TLL1: variants seen among roughly 807,000 people sequenced by gnomAD.
The protein encoded by TLL1 is tolloid-like protein 1.
Under a neutral mutation model 128.2 loss-of-function variants are expected in TLL1, and 49 were observed. The ratio of observed to expected loss-of-function variants is 0.38; its 90% confidence interval spans 0.30 to 0.48. TLL1 has a LOEUF of 0.48. Among genes scored for constraint, TLL1 ranks in the 20% least tolerant of loss-of-function variants. The probability of loss-of-function intolerance (pLI) is 0.96; values close to 1 mark genes in which losing one functional copy is unlikely to be tolerated. For synonymous variants in TLL1, 454 were observed against 418.8 expected (o/e 1.08, Z -1.03); for missense variants, 1,123 against 1,242.0 (o/e 0.90, Z 1.44).
intron 20 of TLL1, 100 bp downstream of exon 20, chr4:166,099,627 A>C (rs1742199828): frequency 1.1e-5 from 2 of 180,680 alleles, no homozygotes; most frequent in African/African-American, 4.8e-5. Flanking sequence ...TGCTTTTTGC[A>C]AAAAAAAAAA....
In TLL1 at chr4:166,103,615, ATCATG is replaced by A. The variant is rs1212141869; in HGVS notation, c.*2743_*2747del. On this transcript the variant is annotated 3_prime_UTR_variant, in exon 21 of 21. Transcript: ENST00000061240. ...CAACGTGAAAATTAATTTTTATTGTATCATGTCAAGTATCAGTTTACCACATATTA... is the reference window on the plus strand; with the variant it reads ...CAACGTGAAAATTAATTTTTATTGTATCAAGTATCAGTTTACCACATATTA... The A allele has an allele frequency of 2.6e-5, 4 of 151,854 alleles. No homozygotes were observed. The highest frequency in any genetic ancestry group is 5.9e-5 in the Non-Finnish European group (4 of 67,858). The allele number at this position is 151,854 out of a possible 1,614,324, so 9.4% of individuals were successfully genotyped here. A position where few individuals can be genotyped will look rare whatever the true frequency, so the allele number is the denominator to read the frequency against.
chr4:166,044,509 G>A, intron 12 of TLL1: 7 of 1,219,250 alleles, frequency 5.7e-6, no homozygotes, highest in Non-Finnish European at 1.1e-6. Flanking sequence ...ATTTCCTTTT[G>A]TTACCAAAAA....
rs1739313932 is a variant in TLL1 at position 166,043,161 on chromosome 4, G to C, written c.1379-113G>C. 5.0e-6 allele frequency: 7 copies of C among 1,410,234 alleles called. No individual in the cohort carries two copies. In the South Asian group the frequency reaches 8.1e-5, roughly 16 times the overall value. The allele number at this position is 1,410,234 out of a possible 1,614,324, so 87.4% of individuals were successfully genotyped here. A position where few individuals can be genotyped will look rare whatever the true frequency, so the allele number is the denominator to read the frequency against. ...CAGTCAACTTTGATTTTTATAGCCT[G>C]GTCTTTATGTACTGAGCTACAGGAG... is the stretch of plus-strand genomic sequence containing the variant. On this transcript the variant is annotated intron_variant, in intron 11 of 20. Coordinates refer to ENST00000061240, the MANE Select transcript of TLL1 (RefSeq NM_012464.5).
At chr4:165,978,227 G>A (rs1196986881) in intron 1 of TLL1, among the ~76,000 whole-genome samples, 2 of 151,858 alleles carry the variant, frequency 1.3e-5, no homozygotes, top group African/African-American at 2.4e-5. Flanking sequence ...AGTTTTTTGG[G>A]TGCCAGTGGT....
chr4:165,880,426 A>G (rs1416996695), intron 1 of TLL1, among the ~76,000 whole-genome samples: 1 of 152,238 alleles, frequency 6.6e-6, no homozygotes, highest in African/African-American at 2.4e-5. Flanking sequence ...AGTTTAAGCT[A>G]AAACAAATGC....
chr4:166,076,504 A>G (rs1382368525), intron 17 of TLL1, among the ~76,000 whole-genome samples: 1 of 152,234 alleles, frequency 6.6e-6, no homozygotes, highest in African/African-American at 2.4e-5. Context: ...TAAATGATAT[A>G]GGAAACTTCA....
chr4:166,097,019 A>T (rs1365880182), intron 19 of TLL1, among the ~76,000 whole-genome samples: 2 of 152,114 alleles, frequency 1.3e-5, no homozygotes, highest in Non-Finnish European at 2.9e-5. Context: ...TTAAATTTAT[A>T]TGGGTTTTAC....
At chr4:166,021,005 G>T (rs1318745509) in intron 8 of TLL1, among the ~76,000 whole-genome samples, 1 of 152,134 alleles carries the variant, frequency 6.6e-6, no homozygotes, top group African/African-American at 2.4e-5. Flanking sequence ...GAGGCTGTAG[G>T]AATGGCAGGC....
At chr4:166,081,090 T>A (rs1340393824) in intron 18 of TLL1, among the ~76,000 whole-genome samples, 3 of 152,212 alleles carry the variant, frequency 2.0e-5, no homozygotes, top group African/African-American at 4.8e-5. Flanking sequence ...ACTCTGTCTA[T>A]ATATCTTATG....
intron 19 of TLL1, among the ~76,000 whole-genome samples, chr4:166,093,841 C>A (rs551789946): frequency 1.1e-4 from 17 of 152,234 alleles, no homozygotes; most frequent in African/African-American, 3.8e-4. Context: ...TGCTTGTAAA[C>A]ATTTTGTTAA....
intron 12 of TLL1, among the ~76,000 whole-genome samples, chr4:166,054,109 TGA>T (rs1739888574): frequency 6.6e-6 from 1 of 152,116 alleles, no homozygotes; most frequent in Non-Finnish European, 1.5e-5. Flanking sequence ...GGAAAGAGAT[TGA>T]GTTTCCCCTG....
chr4:166,099,453 G>C lies in TLL1; in HGVS notation c.2833G>C (p.Gly945Arg), dbSNP rs1375400412. 6.2e-7 allele frequency: 1 copy of C among 1,613,380 alleles called. No individual in the cohort carries two copies. The highest frequency in any genetic ancestry group is 8.5e-7 in the Non-Finnish European group (1 of 1,179,652). ...TFEVEEEADC[G>R]YDYVELFDGL... Reference sequence around the variant, plus strand: ...TGAAGTGGAGGAAGAAGCAGACTGTGGCTATGACTATGTGGAGCTCTTTGA... The same window carrying C: ...TGAAGTGGAGGAAGAAGCAGACTGTCGCTATGACTATGTGGAGCTCTTTGA... Residue 945 changes from glycine to arginine, a missense_variant, in exon 20 of 21, where the codon GGC becomes CGC. Gly to Arg is a moderately radical substitution (Grantham distance 125). Coordinates refer to ENST00000061240, the MANE Select transcript of TLL1 (RefSeq NM_012464.5).
intron 1 of TLL1, among the ~76,000 whole-genome samples, chr4:165,950,276 A>T (rs2110938514): frequency 6.6e-6 from 1 of 152,234 alleles, no homozygotes; most frequent in Admixed American, 6.5e-5. Flanking sequence ...AATTATCACA[A>T]GATATGAAGC....
chr4:165,880,316 G>A (rs1374761855), intron 1 of TLL1, among the ~76,000 whole-genome samples: 1 of 152,152 alleles, frequency 6.6e-6, no homozygotes, highest in African/African-American at 2.4e-5. Context: ...TACATATTTT[G>A]TATTAAGAAG....
intron 9 of TLL1, among the ~76,000 whole-genome samples, chr4:166,032,604 A>G (rs914667077): frequency 1.3e-5 from 2 of 152,168 alleles, no homozygotes; most frequent in African/African-American, 4.8e-5. Flanking sequence ...TTCTCAGTAA[A>G]TAATACTTAA....
chr4:166,094,796 A>G (rs1210272934), intron 19 of TLL1, among the ~76,000 whole-genome samples: 1 of 151,870 alleles, frequency 6.6e-6, no homozygotes, highest in Non-Finnish European at 1.5e-5. Context: ...ACTCTTACTT[A>G]TGTCTGCTTT....
At chr4:165,930,391 C>T (rs1176543004) in intron 1 of TLL1, among the ~76,000 whole-genome samples, 1 of 152,126 alleles carries the variant, frequency 6.6e-6, no homozygotes, top group Non-Finnish European at 1.5e-5. Context: ...AGACTATTCA[C>T]TATATAATAT....
chr4:166,043,513 A>C, intron 12 of TLL1, 94 bp downstream of exon 12: 1 of 1,566,564 alleles, frequency 6.4e-7, no homozygotes, highest in South Asian at 1.1e-5. Context: ...AGAAACAGAG[A>C]GTCAGCCTTT....
At chr4:165,968,630 A>G (rs1284499157) in intron 1 of TLL1, among the ~76,000 whole-genome samples, 2 of 152,176 alleles carry the variant, frequency 1.3e-5, no homozygotes, top group Non-Finnish European at 2.9e-5. Context: ...CCAGAGAACA[A>G]TCTAAGTCAA....
Sources: allele counts gnomAD v4.1 joint callset (sites outside exome capture counted in the v4.1 genomes callset), GRCh38; gene constraint gnomAD v4.1.1; transcripts MANE v1.5; gene names NCBI Gene and HGNC (gene_info 2026-07-23, HGNC 2026-07-21).